The following LAPTM4B variants were observed in gnomAD, a reference collection of about 807,000 sequenced individuals.
The protein encoded by LAPTM4B is lysosomal protein transmembrane 4 beta.
LAPTM4B carries 26 observed loss-of-function variants against 28.5 expected under a neutral mutation model. The observed-to-expected ratio is 0.91, with a 90% confidence interval of 0.67 to 1.27. LAPTM4B has a LOEUF of 1.27. LAPTM4B is among the 50% of genes most tolerant of loss of function. The probability of loss-of-function intolerance (pLI) is 0.00; values close to 1 mark genes in which losing one functional copy is unlikely to be tolerated. For missense variants in LAPTM4B, 288 were observed against 285.8 expected (o/e 1.01, Z -0.06); for synonymous variants, 109 against 106.4 (o/e 1.02, Z -0.15).
At chr8:97,779,003 A>T (rs893645105) in intron 1 of LAPTM4B, among the ~76,000 whole-genome samples, 3 of 152,184 alleles carry the variant, frequency 2.0e-5, no homozygotes, top group African/African-American at 7.2e-5. Context: ...GGTTTGTCCT[A>T]ACCCTTTCTC....
chr8:97,826,231 A>G (rs1011923332), intron 6 of LAPTM4B, among the ~76,000 whole-genome samples: 23 of 152,310 alleles, frequency 1.5e-4, no homozygotes, highest in African/African-American at 5.5e-4. Flanking sequence ...CTCACCACAC[A>G]TTTCTTGAGT....
chr8:97,775,794 G>A lies in LAPTM4B; in HGVS notation c.-216G>A, dbSNP rs1282110243. ...TCCGCCCCGCCCCCTCCCCGTCCCC[G>A]CCGCTGCAGCGGTCGCCTTCGGAGC... On this transcript the variant is annotated 5_prime_UTR_variant, in exon 1 of 7. Transcript: ENST00000521545. The A allele has an allele frequency of 1.9e-6, 3 of 1,569,768 alleles. No individual in the cohort carries two copies. The highest frequency in any genetic ancestry group is 1.7e-6 in the Non-Finnish European group (2 of 1,164,192).
At chr8:97,822,613 T>G (rs1242712712) in intron 5 of LAPTM4B, among the ~76,000 whole-genome samples, 3 of 151,576 alleles carry the variant, frequency 2.0e-5, no homozygotes. Context: ...ATGGTCTAAA[T>G]TAGCAAAACC....
chr8:97,838,585 G>A (rs760008371), intron 6 of LAPTM4B, among the ~76,000 whole-genome samples: 14 of 152,158 alleles, frequency 9.2e-5, no homozygotes, highest in Admixed American at 2.0e-4. Flanking sequence ...GCAGGAGGGG[G>A]ACTACAACCT....
chr8:97,815,293 C>CT, intron 2 of LAPTM4B, 35 bp from the exon 3 acceptor site: 1 of 1,558,176 alleles, frequency 6.4e-7, no homozygotes, highest in Non-Finnish European at 8.8e-7. Flanking sequence ...TACTGATTGT[C>CT]TTTTTTAAAG....
intron 4 of LAPTM4B, among the ~76,000 whole-genome samples, chr8:97,818,470 A>C (rs1395169763): frequency 6.6e-6 from 1 of 151,910 alleles, no homozygotes; most frequent in South Asian, 2.1e-4. Flanking sequence ...AAGTCCGGCA[A>C]CTCCCTCTAA....
intron 5 of LAPTM4B, among the ~76,000 whole-genome samples, chr8:97,824,770 A>C (rs894739237): frequency 6.6e-6 from 1 of 152,170 alleles, no homozygotes; most frequent in African/African-American, 2.4e-5. Flanking sequence ...ACTTATTCTT[A>C]GAAATTTCTC....
In LAPTM4B at chr8:97,776,016, A is replaced by C; in HGVS notation, c.7A>C (p.Met3Leu). 4 of 1,576,394 alleles carry C rather than the reference A, an allele frequency of 2.5e-6. No homozygotes were observed. The highest frequency in any genetic ancestry group is 3.4e-6 in the Non-Finnish European group (4 of 1,166,038). ...CGCCACTGCGCCCGGAGCGATGAAG[A>C]TGGTCGCGCCCTGGACGCGGTTCTA... The part of the protein sequence containing the change: MK[M>L]VAPWTRFYSN... The change falls in exon 1 of 7, where the codon ATG (methionine) becomes CTG (leucine). Residue 3 changes from methionine (M) to leucine (L), a missense_variant. Met to Leu is a conservative substitution (Grantham distance 15, BLOSUM62 2). Coordinates refer to ENST00000521545, the MANE Select transcript of LAPTM4B (RefSeq NM_018407.6).
rs757598970 is a variant in LAPTM4B at position 97,805,463 on chromosome 8, C to T, written c.210C>T (p.Ala70=). The change falls in exon 2 of 7, where the codon GCC becomes GCT. Residue 70 remains alanine, a splice_region_variant and synonymous_variant. Coordinates refer to ENST00000521545, the MANE Select transcript of LAPTM4B (RefSeq NM_018407.6). ...GTGACTTTGAGTTCATGGATGATGC[C>T]AGTAAGTAGTAGATATTTGGGTATT... ...LGGDFEFMDD[A]NMCIAIAISL... 1.3e-6 allele frequency: 2 copies of T among 1,549,416 alleles called. No homozygotes were observed. The highest frequency in any genetic ancestry group is 2.2e-5 in the South Asian group (2 of 89,256).
At position 97,816,279 on chromosome 8, in the gene LAPTM4B, A is replaced by T. The variant is rs1162276945; in HGVS notation, c.408+99A>T. The T allele has an allele frequency of 4.2e-6, 5 of 1,187,688 alleles. No homozygotes were observed. The African/African-American group carries it at 4.8e-5, about 11-fold the overall frequency. The allele number at this position is 1,187,688 out of a possible 1,614,324, so 73.6% of individuals were successfully genotyped here. A position where few individuals can be genotyped will look rare whatever the true frequency, so the allele number is the denominator to read the frequency against. ...GAGATACACAGACATTAATTTCAGG[A>T]TTTTTAGCTTGCAGCTGAGTTACTC... is the stretch of plus-strand genomic sequence containing the variant. On this transcript the variant is annotated intron_variant, in intron 4 of 6. Transcript: ENST00000521545.
At position 97,776,206 on chromosome 8, in the gene LAPTM4B, C is replaced by T. The variant is rs1378206679; in HGVS notation, c.99+98C>T. 14 of 1,298,014 alleles carry T rather than the reference C, an allele frequency of 1.1e-5. No homozygotes were observed. The East Asian group carries it at 4.2e-4, about 39-fold the overall frequency. 80.4% of individuals were successfully genotyped at this position (1,298,014 alleles called of 1,614,324 possible). On this transcript the variant is annotated intron_variant, in intron 1 of 6. Transcript: ENST00000521545. ...GCGGTGGGGTGAGGCGTGCGCTCAT[C>T]CGCCTAAAGTTGTATTATTAGAAAC...
intron 6 of LAPTM4B, among the ~76,000 whole-genome samples, chr8:97,846,113 C>T (rs189730007): frequency 1.1e-3 from 172 of 151,414 alleles, no homozygotes; most frequent in African/African-American, 3.8e-3. Context: ...CTTTGGCTTC[C>T]AAAAGTGTTG....
intron 1 of LAPTM4B, among the ~76,000 whole-genome samples, chr8:97,797,100 T>TA (rs1415209846): frequency 6.6e-6 from 1 of 151,278 alleles, no homozygotes; most frequent in Non-Finnish European, 1.5e-5. Context: ...CTGTCTCAAA[T>TA]AAAAAACTAG....
At chr8:97,837,623 C>CT (rs1817282558) in intron 6 of LAPTM4B, among the ~76,000 whole-genome samples, 1 of 152,080 alleles carries the variant, frequency 6.6e-6, no homozygotes, top group Non-Finnish European at 1.5e-5. Flanking sequence ...AGCGTAGTTA[C>CT]TAGGTTGGCT....
At chr8:97,781,277 C>CTTTT (rs1489104689) in intron 1 of LAPTM4B, among the ~76,000 whole-genome samples, 1 of 44,000 alleles carries the variant, frequency 2.3e-5, no homozygotes, top group Admixed American at 2.1e-4. Context: ...CTGTGCCCGG[C>CTTTT]CTTTTTTTTT....
intron 2 of LAPTM4B, among the ~76,000 whole-genome samples, chr8:97,806,183 A>G (rs557606332): frequency 6.6e-6 from 1 of 152,250 alleles, no homozygotes; most frequent in African/African-American, 2.4e-5. Flanking sequence ...TTCGAAAGAC[A>G]TGGTGAGGGC....
intron 6 of LAPTM4B, among the ~76,000 whole-genome samples, chr8:97,834,484 T>A (rs562136192): frequency 6.6e-6 from 1 of 152,316 alleles, no homozygotes; most frequent in East Asian, 1.9e-4. Context: ...GCTCAAGTTG[T>A]GCTATCTTTG....
At position 97,825,062 on chromosome 8, in the gene LAPTM4B, A is replaced by G; in HGVS notation, c.512A>G (p.Tyr171Cys). 6.3e-7 allele frequency: 1 copy of G among 1,590,562 alleles called. No individual in the cohort carries two copies. The highest frequency in any genetic ancestry group is 1.1e-5 in the South Asian group (1 of 90,306). Residue 171 changes from tyrosine (Y) to cysteine (C), a missense_variant, in exon 6 of 7, where the codon TAC becomes TGC. Physicochemically the swap from Tyr to Cys is radical, Grantham distance 194. Transcript: ENST00000521545. ...ATAATCACTCCTCATTTTCAGGGTT[A>G]CTTGATTAGCTGTGTTTGGAACTGC... ...FISIILTFKG[Y>C]LISCVWNCYR...
intron 1 of LAPTM4B, among the ~76,000 whole-genome samples, chr8:97,786,246 C>T (rs1324174612): frequency 6.6e-6 from 1 of 152,114 alleles, no homozygotes; most frequent in Non-Finnish European, 1.5e-5. Context: ...CAAACAAAGA[C>T]CACACTTCTT....
Sources: allele counts gnomAD v4.1 joint callset (sites outside exome capture counted in the v4.1 genomes callset), GRCh38; gene constraint gnomAD v4.1.1; transcripts MANE v1.5; gene names NCBI Gene and HGNC (gene_info 2026-07-23, HGNC 2026-07-21).